ELP5: variants seen among roughly 807,000 people sequenced by gnomAD.
The protein encoded by ELP5 is elongator complex protein 5.
Under a neutral mutation model 33.4 loss-of-function variants are expected in ELP5, and 34 were observed. That is an observed-to-expected ratio of 1.02 (90% confidence interval 0.78 to 1.36). ELP5 has a LOEUF of 1.36. Ranked by LOEUF, ELP5 falls within the 40% of genes most tolerant of loss-of-function variation. The probability of loss-of-function intolerance (pLI) is 0.00; values close to 1 mark genes in which losing one functional copy is unlikely to be tolerated. For missense variants in ELP5, 373 were observed against 371.7 expected, an observed-to-expected ratio of 1.00 and a Z score of -0.03; for synonymous variants, 161 against 146.4, an observed-to-expected ratio of 1.10 and a Z score of -0.72.
intron 4 of ELP5, 140 bp from the exon 5 acceptor site, chr17:7,256,717 C>T (rs1032723010): frequency 1.2e-4 from 93 of 757,080 alleles, no homozygotes; most frequent in Admixed American, 2.5e-4. Context: ...GCTCAGAGCA[C>T]GGTAGTGAGA....
intron 4 of ELP5, among the ~76,000 whole-genome samples, chr17:7,255,763 A>G (rs949688123): frequency 6.6e-6 from 1 of 152,162 alleles, no homozygotes; most frequent in African/African-American, 2.4e-5. Context: ...TTCTTAGGTT[A>G]AAAGTTGTTA....
Position 7,259,734 on chromosome 17 carries a change from TG to T in ELP5, c.*52del. On this transcript the variant is annotated 3_prime_UTR_variant, in exon 8 of 8. Transcript: ENST00000396628. Reference sequence around the variant, plus strand: ...AATTGGAGGGGGCGCGGGAAGACTTTGGGCCCAGAACCATCTTTCTATTGTT... The same window carrying T: ...AATTGGAGGGGGCGCGGGAAGACTTTGGCCCAGAACCATCTTTCTATTGTT... 6.2e-7 allele frequency: 1 copy of T among 1,611,364 alleles called. No homozygotes were observed. The highest frequency in any genetic ancestry group is 1.1e-5 in the South Asian group (1 of 90,852).
chr17:7,254,810 C>A lies in ELP5; in HGVS notation c.409+7C>A, dbSNP rs758452625. 5.0e-6 allele frequency: 8 copies of A among 1,610,702 alleles called. No individual in the cohort carries two copies. The Admixed American group carries it at 1.0e-4, about 20-fold the overall frequency. ...CATCAGGACTCTTGTCCTGGTGAGA[C>A]CCCTCCTTCATTGTTTCCCCTCATA... On this transcript the variant is annotated splice_region_variant and intron_variant, in intron 4 of 7. Transcript: ENST00000396628.
chr17:7,252,328 G>T lies in ELP5; in HGVS notation c.-223G>T, dbSNP rs1314371761. 2 of 643,952 alleles carry T rather than the reference G, an allele frequency of 3.1e-6. No individual in the cohort carries two copies. Among genetic ancestry groups the T allele is most frequent in the Non-Finnish European group, 5.5e-6 (2 of 362,974 alleles). 39.9% of individuals were successfully genotyped at this position (643,952 alleles called of 1,614,324 possible). ...CGGTCACAGTGAAAATGTAGACGGG[G>T]TCGTTGTCCGTACGACTGTGCGCCA... On this transcript the variant is annotated 5_prime_UTR_variant, in exon 1 of 8. Coordinates refer to ENST00000396628, the MANE Select transcript of ELP5 (RefSeq NM_203414.3).
At chr17:7,258,526 T>C in intron 5 of ELP5, 62 bp from the exon 6 acceptor site, 1 of 1,511,204 alleles carries the variant, frequency 6.6e-7, no homozygotes, top group Non-Finnish European at 9.1e-7. Context: ...GGATGTGAGG[T>C]CCTGGAGTCT....
chr17:7,256,256 G>GTA (rs1206482390), intron 4 of ELP5, among the ~76,000 whole-genome samples: 1 of 152,136 alleles, frequency 6.6e-6, no homozygotes, highest in African/African-American at 2.4e-5. Context: ...GACTGAGGCA[G>GTA]TATTGTTGAG....
chr17:7,252,440 T>C lies in ELP5; in HGVS notation c.-111T>C. ...TCTCATTCCAGACTATGTTAGGTCT[T>C]AATGGTGGGAGGACGCCCGAGTGCT... On this transcript the variant is annotated 5_prime_UTR_variant, in exon 1 of 8. Transcript: ENST00000396628. The C allele has an allele frequency of 1.3e-6, 2 of 1,520,470 alleles. No individual in the cohort carries two copies. Among genetic ancestry groups the C allele is most frequent in the South Asian group, 2.3e-5 (2 of 86,672 alleles). The allele number at this position is 1,520,470 out of a possible 1,614,324, so 94.2% of individuals were successfully genotyped here. A position where few individuals can be genotyped will look rare whatever the true frequency, so the allele number is the denominator to read the frequency against.
chr17:7,256,875 G>A lies in ELP5; in HGVS notation c.428G>A (p.Gly143Glu), dbSNP rs2143001105. 6.2e-7 allele frequency: 1 copy of A among 1,614,202 alleles called. No homozygotes were observed. Among genetic ancestry groups the A allele is most frequent in the Non-Finnish European group, 8.5e-7 (1 of 1,180,042 alleles). The change falls in exon 5 of 8, where the codon GGG (glycine) becomes GAG (glutamate). Residue 143 changes from glycine to glutamate, a missense_variant. Transcript: ENST00000396628. ...DSCPGDSSSV[G>E]KVSVLGLLHE... ...CCTCTAGGTGACAGCTCCTCAGTGG[G>A]GAAAGTGAGTGTGCTGGGCTTGCTA...
At chr17:7,259,317 C>T (rs572115244) in intron 7 of ELP5, 97 of 1,391,352 alleles carry the variant, frequency 7.0e-5, no homozygotes, top group African/African-American at 2.5e-4. Context: ...GGGCGGATGA[C>T]GCAAGACTAC....
Position 7,255,331 on chromosome 17 carries a change from C to T in ELP5, c.409+528C>T, listed in dbSNP as rs139865302. On this transcript the variant is annotated intron_variant, in intron 4 of 7. Transcript: ENST00000396628. ...ACAAGGTCAGGAGATCGAGACCATC[C>T]TGGCTAACATGGTGAAACCCCGTCT... 6.7e-3 allele frequency among the ~76,000 whole-genome samples: 1,024 copies of T among 151,986 alleles called. 16 individuals are homozygous for T. Among genetic ancestry groups the T allele is most frequent in the African/African-American group, 0.023 (962 of 41,432 alleles).
chr17:7,257,960 C>G (rs952599449), intron 5 of ELP5, among the ~76,000 whole-genome samples: 1 of 151,852 alleles, frequency 6.6e-6, no homozygotes, highest in Non-Finnish European at 1.5e-5. Context: ...CCCAGCTATT[C>G]GGGAGGCTGA....
chr17:7,259,155 A>G (rs536548726), intron 7 of ELP5: 1 of 1,413,342 alleles, frequency 7.1e-7, no homozygotes, highest in South Asian at 1.5e-5. Context: ...TTGTCCCCAG[A>G]GCACCCTGGG....
intron 4 of ELP5, 144 bp downstream of exon 4, chr17:7,254,947 T>G (rs983149140): frequency 1.5e-6 from 1 of 655,026 alleles, no homozygotes; most frequent in African/African-American, 1.8e-5. Flanking sequence ...CTGTTTTTTT[T>G]TTTTTTTACT....
At chr17:7,255,993 T>G (rs1349694553) in intron 4 of ELP5, among the ~76,000 whole-genome samples, 1 of 151,268 alleles carries the variant, frequency 6.6e-6, no homozygotes, top group Non-Finnish European at 1.5e-5. Flanking sequence ...GAGGCAGAGG[T>G]TGCAGTGAGC....
intron 7 of ELP5, 32 bp from the exon 8 acceptor site, chr17:7,259,539 A>G (rs1452970471): frequency 1.2e-6 from 2 of 1,613,586 alleles, no homozygotes; most frequent in East Asian, 2.2e-5. Context: ...CCTGTTAGCT[A>G]CCCTCACCAG....
rs2072131638 is a variant in ELP5 at position 7,258,566 on chromosome 17, CTCTTT to C, written c.592-15_592-11del. ...AGTTTCTTCAGTAAGATGAAAAAAA[CTCTTT>C]TCTTTTTTCTCTCCAGACTCAGTGG... On this transcript the variant is annotated splice_polypyrimidine_tract_variant and intron_variant, in intron 5 of 7. Transcript: ENST00000396628. The C allele has an allele frequency of 3.1e-6, 5 of 1,610,202 alleles. No homozygotes were observed. The highest frequency in any genetic ancestry group is 1.1e-5 in the South Asian group (1 of 90,930).
At position 7,256,901 on chromosome 17, in the gene ELP5, C is replaced by G. The variant is rs1197626818; in HGVS notation, c.454C>G (p.His152Asp). ...GAAAGTGAGTGTGCTGGGCTTGCTA[C>G]ATGAAGAGCTTCATGGACCAGGCCC... ...VGKVSVLGLL[H>D]EELHGPGPVG... Residue 152 changes from histidine (H) to aspartate (D), a missense_variant, in exon 5 of 8, where the codon CAT (histidine) becomes GAT (aspartate). His to Asp is a moderately conservative substitution (Grantham distance 81). Transcript: ENST00000396628. 2 of 1,614,094 alleles carry G rather than the reference C, an allele frequency of 1.2e-6. No individual in the cohort carries two copies. The highest frequency in any genetic ancestry group is 2.7e-5 in the African/African-American group (2 of 74,938).
chr17:7,256,845 G>T lies in ELP5; in HGVS notation c.410-12G>T. 3 of 1,614,058 alleles carry T rather than the reference G, an allele frequency of 1.9e-6. No individual in the cohort carries two copies. Among genetic ancestry groups the T allele is most frequent in the Non-Finnish European group, 2.5e-6 (3 of 1,179,936 alleles). On this transcript the variant is annotated splice_polypyrimidine_tract_variant and intron_variant, in intron 4 of 7. Transcript: ENST00000396628. The stretch of plus-strand genomic sequence containing the variant: ...TGCTCCCTACTATCCTACATTTCTT[G>T]TCCTCCTCTAGGTGACAGCTCCTCA...
chr17:7,256,733 C>T (rs756976740), intron 4 of ELP5, 124 bp from the exon 5 acceptor site: 10 of 940,782 alleles, frequency 1.1e-5, no homozygotes, highest in Non-Finnish European at 1.6e-5. Flanking sequence ...TGAGATTGGC[C>T]AAGGGACGTC....
Sources: allele counts gnomAD v4.1 joint callset (sites outside exome capture counted in the v4.1 genomes callset), GRCh38; gene constraint gnomAD v4.1.1; transcripts MANE v1.5; gene names NCBI Gene and HGNC (gene_info 2026-07-23, HGNC 2026-07-21).